SLC35D4: variants seen among roughly 807,000 people sequenced by gnomAD.
SLC35D4 encodes UDP-N-acetylglucosamine transporter SLC35D4.
At chr18:23,263,363 G>A in the SLC35D4 span, among the ~76,000 whole-genome samples, 1 of 152,210 alleles carries the variant, frequency 6.6e-6, no homozygotes, top group South Asian at 2.1e-4. Flanking sequence ...CCCTGCAGAG[G>A]AGAAGGGATC....
the SLC35D4 span, among the ~76,000 whole-genome samples, chr18:23,308,615 A>C: frequency 6.6e-6 from 1 of 151,986 alleles, no homozygotes; most frequent in African/African-American, 2.4e-5. Context: ...CACCTAGATC[A>C]TGGCAAGAGC....
the SLC35D4 span, among the ~76,000 whole-genome samples, chr18:23,345,357 C>T: frequency 6.6e-6 from 1 of 151,780 alleles, no homozygotes; most frequent in Non-Finnish European, 1.5e-5. Context: ...TGGTGGGCAC[C>T]TGTAATCCCA....
the SLC35D4 span, among the ~76,000 whole-genome samples, chr18:23,384,418 T>G: frequency 1.3e-5 from 2 of 152,206 alleles, no homozygotes; most frequent in African/African-American, 4.8e-5. Context: ...TACTAATTGT[T>G]CCTGATGTGC....
chr18:23,359,895 G>A, the SLC35D4 span, among the ~76,000 whole-genome samples: 1 of 152,170 alleles, frequency 6.6e-6, no homozygotes, highest in African/African-American at 2.4e-5. Flanking sequence ...AGAGTGCAAG[G>A]GGGAAAGGTG....
chr18:23,312,611 C>T, the SLC35D4 span, among the ~76,000 whole-genome samples: 4 of 152,250 alleles, frequency 2.6e-5, no homozygotes, highest in South Asian at 6.2e-4. Flanking sequence ...TTAATCTATT[C>T]GGTACAGGCA....
chr18:23,352,666 GA>G, the SLC35D4 span, among the ~76,000 whole-genome samples: 3 of 152,132 alleles, frequency 2.0e-5, no homozygotes, highest in Non-Finnish European at 4.4e-5. Flanking sequence ...AAACTGGCAG[GA>G]AAAGACTTCC....
At chr18:23,267,471 C>T in the SLC35D4 span, among the ~76,000 whole-genome samples, 1 of 152,102 alleles carries the variant, frequency 6.6e-6, no homozygotes, top group Non-Finnish European at 1.5e-5. Flanking sequence ...CACCCCGGCC[C>T]ACTTCCTGCC....
chr18:23,435,321 T>G, the SLC35D4 span, among the ~76,000 whole-genome samples: 1 of 152,130 alleles, frequency 6.6e-6, no homozygotes, highest in Non-Finnish European at 1.5e-5. Flanking sequence ...ATGACAGATG[T>G]GTTAATCTAC....
At chr18:23,381,361 A>G in the SLC35D4 span, among the ~76,000 whole-genome samples, 1 of 152,178 alleles carries the variant, frequency 6.6e-6, no homozygotes, top group Non-Finnish European at 1.5e-5. Flanking sequence ...GGGTTTTTAG[A>G]GTCAGGGTCT....
chr18:23,360,311 G>A, the SLC35D4 span, among the ~76,000 whole-genome samples: 6 of 152,180 alleles, frequency 3.9e-5, no homozygotes, highest in Non-Finnish European at 8.8e-5. Flanking sequence ...TCCAAGAGAC[G>A]TGAAAACATA....
chr18:23,317,002 A>G, the SLC35D4 span, among the ~76,000 whole-genome samples: 1 of 152,196 alleles, frequency 6.6e-6, no homozygotes, highest in East Asian at 1.9e-4. Flanking sequence ...CATACAGTTT[A>G]AACAAAGGAA....
At chr18:23,366,429 T>A in the SLC35D4 span, among the ~76,000 whole-genome samples, 1 of 152,172 alleles carries the variant, frequency 6.6e-6, no homozygotes, top group Non-Finnish European at 1.5e-5. Flanking sequence ...GAATAAAACA[T>A]GTTATCTAAG....
At chr18:23,317,547 C>T in the SLC35D4 span, among the ~76,000 whole-genome samples, 12 of 152,052 alleles carry the variant, frequency 7.9e-5, no homozygotes, top group Admixed American at 7.2e-4. Context: ...TTGATATATA[C>T]CATGCACACA....
the SLC35D4 span, chr18:23,257,125 T>C: frequency 5.2e-6 from 7 of 1,338,552 alleles, no homozygotes; most frequent in South Asian, 1.3e-5. Context: ...AGTGGATTTC[T>C]CCTGAGCACT....
At chr18:23,362,916 G>A in the SLC35D4 span, among the ~76,000 whole-genome samples, 1 of 152,148 alleles carries the variant, frequency 6.6e-6, no homozygotes. Flanking sequence ...CAACCTCTTA[G>A]CTGAAGGGCA....
the SLC35D4 span, among the ~76,000 whole-genome samples, chr18:23,311,925 A>G: frequency 2.6e-5 from 4 of 151,852 alleles, no homozygotes; most frequent in Admixed American, 6.6e-5. Flanking sequence ...GACGGTGCCA[A>G]TGGAGATGTA....
the SLC35D4 span, chr18:23,368,767 G>GA: frequency 5.6e-6 from 8 of 1,429,784 alleles, no homozygotes; most frequent in East Asian, 2.4e-5. Context: ...AATGAGAGAG[G>GA]AAAAAAAGAT....
chr18:23,246,487 G>A, the SLC35D4 span, among the ~76,000 whole-genome samples: 1 of 152,016 alleles, frequency 6.6e-6, no homozygotes, highest in Admixed American at 6.5e-5. Flanking sequence ...CGCCTCCCGG[G>A]TTCACGCCAT....
chr18:23,325,017 A>G, the SLC35D4 span, among the ~76,000 whole-genome samples: 1 of 152,134 alleles, frequency 6.6e-6, no homozygotes, highest in Non-Finnish European at 1.5e-5. Context: ...ACCAGGGGCA[A>G]TCCTCTGTAT....
Sources: gnomAD v4.1 joint callset for allele counts (sites outside exome capture counted in the v4.1 genomes callset) on GRCh38, gnomAD v4.1.1 for gene constraint, MANE v1.5 for transcripts, NCBI Gene and HGNC (gene_info 2026-07-23, HGNC 2026-07-21) for gene names.